XPO6: variants seen among roughly 807,000 people sequenced by gnomAD.
The protein encoded by XPO6 is exportin-6.
In XPO6, 3 loss-of-function variants were observed where a neutral mutation model predicts 130.0. That is an observed-to-expected ratio of 0.02 (90% CI 0.01 to 0.06). The LOEUF (loss-of-function observed/expected upper bound fraction) is 0.06. Ranked by LOEUF, XPO6 falls within the 10% of genes least tolerant of loss-of-function variation. The pLI is 1.00. For missense variants in XPO6, 970 were observed against 1,393.0 expected, an observed-to-expected ratio of 0.70 and a Z score of 4.83; for synonymous variants, 524 against 548.9, an observed-to-expected ratio of 0.95 and a Z score of 0.63.
intron 8 of XPO6, among the ~76,000 whole-genome samples, chr16:28,149,536 T>C (rs901774933): frequency 2.0e-5 from 3 of 152,174 alleles, no homozygotes; most frequent in Non-Finnish European, 2.9e-5. Flanking sequence ...TATTCTACCT[T>C]TTCTATGTTT....
intron 12 of XPO6, among the ~76,000 whole-genome samples, chr16:28,126,464 A>G (rs2087414711): frequency 6.6e-6 from 1 of 152,222 alleles, no homozygotes; most frequent in African/African-American, 2.4e-5. Context: ...TTCTGGGCTC[A>G]GTGCCTCATA....
Position 28,150,662 on chromosome 16 carries a change from G to A in XPO6, c.1224+1997C>T, listed in dbSNP as rs371729214. Among the ~76,000 whole-genome samples the A allele has an allele frequency of 1.7e-3, 259 of 152,138 alleles. 2 individuals are homozygous for A. Among genetic ancestry groups the A allele is most frequent in the African/African-American group, 5.5e-3 (228 of 41,508 alleles). On this transcript the variant is annotated intron_variant, in intron 8 of 23. Transcript: ENST00000304658. ...ACACCAGAAGACCCCATTTTACATA[G>A]AGAGTGAAATGTCAAGACATTGTCA...
Position 28,156,411 on chromosome 16 carries a change from C to T in XPO6, c.760G>A (p.Ala254Thr). 1 of 1,613,942 alleles carries T rather than the reference C, an allele frequency of 6.2e-7. No homozygotes were observed. The highest frequency in any genetic ancestry group is 8.5e-7 in the Non-Finnish European group (1 of 1,179,994). ...YICSLALECL[A>T]HLFSWIPLSA... Reference sequence around the variant, plus strand: ...AGAGGAATCCAACTGAAGAGATGGGCCAGGCACTCCAAAGCCAGGGAACAG... The same window carrying T: ...AGAGGAATCCAACTGAAGAGATGGGTCAGGCACTCCAAAGCCAGGGAACAG... Residue 254 changes from alanine to threonine, a missense_variant, in exon 7 of 24, where the codon GCC becomes ACC. This residue lies in a region of XPO6 where 936 missense variants were observed against 1,306.8 expected (regional missense o/e 0.72). Transcript: ENST00000304658.
intron 1 of XPO6, among the ~76,000 whole-genome samples, chr16:28,203,245 C>T (rs1432630227): frequency 6.7e-6 from 1 of 150,058 alleles, no homozygotes; most frequent in African/African-American, 2.5e-5. Context: ...CACTGCACAC[C>T]AGCCTGGGCG....
At position 28,106,296 on chromosome 16, in the gene XPO6, G is replaced by C. The variant is rs2086778600; in HGVS notation, c.2613-82C>G. 1.2e-6 allele frequency: 2 copies of C among 1,607,602 alleles called. No individual in the cohort carries two copies. The highest frequency in any genetic ancestry group is 1.7e-6 in the Non-Finnish European group (2 of 1,175,300). ...GAAAACCCATGCTGTGGCAAGTGCA[G>C]AACAGGAGCAAAAAGCCACACTTTG... On this transcript the variant is annotated intron_variant, in intron 19 of 23. Coordinates refer to ENST00000304658, the MANE Select transcript of XPO6 (RefSeq NM_015171.4). The surrounding 1 kb of genome is among the most constrained non-coding windows in gnomAD (Gnocchi z 4.2).
At chr16:28,175,319 A>C (rs766977956) in intron 4 of XPO6, among the ~76,000 whole-genome samples, 1 of 151,820 alleles carries the variant, frequency 6.6e-6, no homozygotes, top group Non-Finnish European at 1.5e-5. Flanking sequence ...TCCACCATAA[A>C]CATGTAGCCA....
At chr16:28,157,701 T>G (rs2043205814) in intron 6 of XPO6, among the ~76,000 whole-genome samples, 1 of 152,170 alleles carries the variant, frequency 6.6e-6, no homozygotes, top group African/African-American at 2.4e-5. Context: ...ATGAAGAGAT[T>G]TCAAATTCAT....
intron 4 of XPO6, among the ~76,000 whole-genome samples, chr16:28,175,124 T>C (rs1004931948): frequency 1.3e-5 from 2 of 152,268 alleles, no homozygotes; most frequent in Admixed American, 6.5e-5. Flanking sequence ...GCCAGAAAAC[T>C]GGAAGTCATT....
At position 28,176,029 on chromosome 16, in the gene XPO6, G is replaced by T; in HGVS notation, c.274C>A (p.Pro92Thr). Residue 92 changes from proline to threonine, a missense_variant, in exon 4 of 24, where the codon CCC (proline) becomes ACC (threonine). Physicochemically the swap from Pro to Thr is conservative, Grantham distance 38. Coordinates refer to ENST00000304658, the MANE Select transcript of XPO6 (RefSeq NM_015171.4). The stretch of plus-strand genomic sequence containing the variant: ...TTATGGTGAGCCAAAAGGAGTTTGG[G>T]CAGACAGCTACGGATTTCCATCTTA... ...QDKMEIRSCL[P>T]KLLLAHHKTL... is the part of the protein sequence containing the mutation. 6.2e-7 allele frequency: 1 copy of T among 1,614,162 alleles called. No individual in the cohort carries two copies. Among genetic ancestry groups the T allele is most frequent in the Non-Finnish European group, 8.5e-7 (1 of 1,180,026 alleles).
chr16:28,156,317 C>A lies in XPO6; in HGVS notation c.854G>T (p.Arg285Leu). Reference protein sequence around the residue: ...FHFARFGCDIRARKMASVNGS... With the variant: ...FHFARFGCDILARKMASVNGS... Reference sequence around the variant, plus strand: ...GTTAACTGACGCCATCTTTCTGGCCCGGATGTCACAGCCAAATCGTGCAAA... The same window carrying A: ...GTTAACTGACGCCATCTTTCTGGCCAGGATGTCACAGCCAAATCGTGCAAA... The change falls in exon 7 of 24, where the codon CGG becomes CTG. Residue 285 changes from arginine to leucine, a missense_variant. Transcript: ENST00000304658. The A allele has an allele frequency of 6.2e-7, 1 of 1,613,918 alleles. No individual in the cohort carries two copies. Among genetic ancestry groups the A allele is most frequent in the Non-Finnish European group, 8.5e-7 (1 of 1,180,000 alleles).
At chr16:28,104,742 T>C in intron 20 of XPO6, 35 bp from the exon 21 acceptor site, 1 of 1,610,118 alleles carries the variant, frequency 6.2e-7, no homozygotes, top group East Asian at 2.2e-5. Flanking sequence ...ACCTGCAGCT[T>C]GCGGAGCTGC....
At chr16:28,197,432 G>A (rs1030068119) in intron 1 of XPO6, among the ~76,000 whole-genome samples, 27 of 152,076 alleles carry the variant, frequency 1.8e-4, no homozygotes, top group Non-Finnish European at 4.0e-4. Flanking sequence ...CTAACTTGTT[G>A]ATAAGTTTCC....
chr16:28,136,448 G>A (rs755239582), intron 9 of XPO6, among the ~76,000 whole-genome samples: 3 of 152,066 alleles, frequency 2.0e-5, no homozygotes, highest in Admixed American at 1.3e-4. Context: ...TTGAAATCCC[G>A]ACCTCAGATG....
rs368965394 is a variant in XPO6, at chr16:28,156,258, G to A, written c.913C>T (p.Arg305Cys). The A allele has an allele frequency of 1.7e-5, 28 of 1,614,006 alleles. 1 individual carries two copies. The highest frequency in any genetic ancestry group is 1.0e-4 in the Admixed American group (6 of 59,988). ...SSQNCVSGQE[R>C]GRLGVLAMSC... ...ATGGCCAGGACCCCCAGCCGGCCGC[G>A]CTCCTGACCCGAGACACAGTTCTGG... Residue 305 changes from arginine (R) to cysteine (C), a missense_variant, in exon 7 of 24, where the codon CGC becomes TGC. By Grantham distance (180) the Arg-to-Cys change is radical. Transcript: ENST00000304658.
intron 5 of XPO6, among the ~76,000 whole-genome samples, chr16:28,167,717 C>T (rs1246166616): frequency 1.3e-5 from 2 of 152,212 alleles, no homozygotes; most frequent in Non-Finnish European, 2.9e-5. Context: ...GAACCCGGAA[C>T]ATAAGGTGAT....
rs1356840474 is a variant in XPO6 at position 28,106,686 on chromosome 16, T to C, written c.2498-189A>G. Among the ~76,000 whole-genome samples, 2 of 152,010 alleles carry C rather than the reference T, an allele frequency of 1.3e-5. No homozygotes were observed. Among genetic ancestry groups the C allele is most frequent in the African/African-American group, 4.8e-5 (2 of 41,380 alleles). ...AACGATTAGGGACATGCTGAGAAAA[T>C]AGTTCTGGTATAGGGAACCTCCACC... On this transcript the variant is annotated intron_variant, in intron 18 of 23. Coordinates refer to ENST00000304658, the MANE Select transcript of XPO6 (RefSeq NM_015171.4). This position sits in a 1 kb window ranked among gnomAD's most constrained non-coding sequence, Gnocchi z 4.2.
rs1446922877 is a variant in XPO6, at chr16:28,152,924, A to G, written c.1098-139T>C. On this transcript the variant is annotated intron_variant, in intron 7 of 23. Transcript: ENST00000304658. ...TTTTAAAAATATAAAGGCCTGCAAC[A>G]ATTACCTACAGGACAGGCAACCCTT... The G allele has an allele frequency of 7.9e-6, 11 of 1,387,634 alleles. No homozygotes were observed. The East Asian group carries it at 3.3e-4, about 42-fold the overall frequency. 86.0% of individuals were successfully genotyped at this position (1,387,634 alleles called of 1,614,324 possible). A position where few individuals can be genotyped will look rare whatever the true frequency, so the allele number is the denominator to read the frequency against.
At chr16:28,209,145 A>T (rs1022307962) in intron 1 of XPO6, 1 of 152,194 alleles carries the variant, frequency 6.6e-6, no homozygotes, top group African/African-American at 2.4e-5. Context: ...AATTCATAGA[A>T]ATAGAAACTA....
chr16:28,136,946 T>C (rs996203954), intron 9 of XPO6, among the ~76,000 whole-genome samples: 1 of 152,260 alleles, frequency 6.6e-6, no homozygotes, highest in African/African-American at 2.4e-5. Context: ...TGTTTCGGTC[T>C]GTTAGGTTCT....
Sources: allele counts gnomAD v4.1 joint callset (sites outside exome capture counted in the v4.1 genomes callset), GRCh38; gene constraint gnomAD v4.1.1; regional missense constraint gnomAD v4.1.1; non-coding constraint Gnocchi (gnomAD v3.1); transcripts MANE v1.5; gene names NCBI Gene and HGNC (gene_info 2026-07-23, HGNC 2026-07-21).